The following KHDRBS2 variants were observed in gnomAD, a reference collection of about 807,000 sequenced individuals.
KHDRBS2 encodes KH domain-containing, RNA-binding, signal transduction-associated protein 2.
A neutral mutation model predicts 44.3 loss-of-function variants in KHDRBS2; 26 were observed. The observed-to-expected ratio is 0.59, with a 90% CI of 0.43 to 0.81. KHDRBS2 has a LOEUF of 0.81. Among genes scored for constraint, KHDRBS2 ranks in the 40% least tolerant of loss-of-function variants. The probability of loss-of-function intolerance (pLI) is 0.00; values close to 1 mark genes in which losing one functional copy is unlikely to be tolerated. For synonymous variants in KHDRBS2, 194 were observed against 151.1 expected, an observed-to-expected ratio of 1.28 and a Z score of -2.08; for missense variants, 476 against 433.1, an observed-to-expected ratio of 1.10 and a Z score of -0.88.
At chr6:61,969,487 T>A (rs1401281564) in intron 4 of KHDRBS2, among the ~76,000 whole-genome samples, 2 of 152,092 alleles carry the variant, frequency 1.3e-5, no homozygotes, top group Admixed American at 1.3e-4. Flanking sequence ...TTATCCTAAC[T>A]ATAACTTGTC....
At chr6:62,202,583 G>C (rs1827217240) in intron 1 of KHDRBS2, among the ~76,000 whole-genome samples, 1 of 152,040 alleles carries the variant, frequency 6.6e-6, no homozygotes, top group South Asian at 2.1e-4. Context: ...TCTAGCCTTG[G>C]GTAGTCTACT....
chr6:61,723,959 G>A (rs1180333819), intron 7 of KHDRBS2, among the ~76,000 whole-genome samples: 2 of 152,062 alleles, frequency 1.3e-5, no homozygotes, highest in Non-Finnish European at 2.9e-5. Context: ...AGGAAATGTA[G>A]AGAACCCCAG....
At chr6:61,748,002 CT>C (rs1777106018) in intron 6 of KHDRBS2, among the ~76,000 whole-genome samples, 1 of 152,036 alleles carries the variant, frequency 6.6e-6, no homozygotes, top group Non-Finnish European at 1.5e-5. Flanking sequence ...CCTTAATATT[CT>C]TTTTTGAGAC....
chr6:62,207,422 A>T (rs1435824749), intron 1 of KHDRBS2, among the ~76,000 whole-genome samples: 3 of 152,168 alleles, frequency 2.0e-5, no homozygotes, highest in Non-Finnish European at 4.4e-5. Flanking sequence ...AAGCTTATAA[A>T]CTGTAAAAGA....
intron 6 of KHDRBS2, among the ~76,000 whole-genome samples, chr6:61,742,986 G>A (rs1776359341): frequency 6.6e-6 from 1 of 152,092 alleles, no homozygotes; most frequent in Admixed American, 6.6e-5. Flanking sequence ...AGCTCCCAAG[G>A]AACTATAAGA....
intron 6 of KHDRBS2, among the ~76,000 whole-genome samples, chr6:61,750,760 T>TAAAAAAAAAAAAAAAAAAA (rs61576563): frequency 8.6e-6 from 1 of 116,492 alleles, no homozygotes; most frequent in Admixed American, 8.8e-5. Flanking sequence ...GAGAAAAAAG[T>TAAAAAAAAAAAAAAAAAAA]AAAAAAAAAA....
intron 7 of KHDRBS2, among the ~76,000 whole-genome samples, chr6:61,725,061 A>G (rs1025359557): frequency 6.6e-6 from 1 of 152,186 alleles, no homozygotes; most frequent in Non-Finnish European, 1.5e-5. Flanking sequence ...ATAATCAAGT[A>G]AAACATTCCT....
chr6:61,803,807 T>C (rs1786679394), intron 6 of KHDRBS2, among the ~76,000 whole-genome samples: 1 of 152,050 alleles, frequency 6.6e-6, no homozygotes, highest in African/African-American at 2.4e-5. Flanking sequence ...GAAAATCCCC[T>C]TATAAAACCA....
chr6:61,580,250 T>C, the KHDRBS2 span, among the ~76,000 whole-genome samples: 1 of 152,150 alleles, frequency 6.6e-6, no homozygotes, highest in South Asian at 2.1e-4. Flanking sequence ...GCTTCTGGCA[T>C]GGGTTGGGAC....
chr6:62,072,046 AG>A (rs1204953043), intron 2 of KHDRBS2, among the ~76,000 whole-genome samples: 2 of 152,088 alleles, frequency 1.3e-5, no homozygotes, highest in Non-Finnish European at 2.9e-5. Flanking sequence ...CTCCTTGAAG[AG>A]GTCTTTCACA....
chr6:62,205,646 A>G (rs192376019), intron 1 of KHDRBS2, among the ~76,000 whole-genome samples: 50 of 152,200 alleles, frequency 3.3e-4, no homozygotes, highest in South Asian at 1.5e-3. Context: ...AGAAAAGAAA[A>G]GAGTAGAGAT....
the KHDRBS2 span, among the ~76,000 whole-genome samples, chr6:61,634,903 C>T: frequency 3.3e-5 from 5 of 152,142 alleles, no homozygotes; most frequent in East Asian, 5.8e-4. Context: ...TAACTTGTCT[C>T]ACTTTATTTA....
chr6:61,861,625 AATATAAATCCAGGTAGC>A (rs1195480523), intron 6 of KHDRBS2, among the ~76,000 whole-genome samples: 2 of 150,490 alleles, frequency 1.3e-5, no homozygotes, highest in Non-Finnish European at 3.0e-5. Flanking sequence ...GTAGCCGTGT[AATATAAATCCAGGTAGC>A]ACGATGCCTC....
intron 6 of KHDRBS2, among the ~76,000 whole-genome samples, chr6:61,820,104 G>A (rs1241326728): frequency 6.6e-6 from 1 of 152,080 alleles, no homozygotes; most frequent in Non-Finnish European, 1.5e-5. Context: ...TATGCACAAA[G>A]CCACTTGTCT....
the KHDRBS2 span, among the ~76,000 whole-genome samples, chr6:61,665,090 T>A: frequency 6.6e-6 from 1 of 151,576 alleles, no homozygotes; most frequent in Admixed American, 6.6e-5. Context: ...AAATTTGTGT[T>A]TGGTATGCAT....
chr6:61,989,877 C>T lies in KHDRBS2; in HGVS notation c.337-11665G>A, dbSNP rs529692822. ...TGGATAGCTCCACCTTAGCATAGAA[C>T]AGGGAAGAAATCTGCTTTCCAAGTC... On this transcript the variant is annotated intron_variant, in intron 3 of 8. Coordinates refer to ENST00000281156, the MANE Select transcript of KHDRBS2 (RefSeq NM_152688.4). Among the ~76,000 whole-genome samples, 121 of 152,236 alleles carry T rather than the reference C, an allele frequency of 7.9e-4. 2 individuals are homozygous for T. The highest frequency in any genetic ancestry group is 3.4e-3 in the Middle Eastern group (1 of 294).
At chr6:61,980,575 T>G (rs535927985) in intron 3 of KHDRBS2, among the ~76,000 whole-genome samples, 16 of 152,328 alleles carry the variant, frequency 1.1e-4, no homozygotes, top group Middle Eastern at 3.4e-3. Flanking sequence ...ACTTGTGATC[T>G]GAGGGATCAA....
chr6:62,190,032 C>T (rs940724521), intron 1 of KHDRBS2, among the ~76,000 whole-genome samples: 2 of 151,980 alleles, frequency 1.3e-5, no homozygotes, highest in African/African-American at 4.8e-5. Context: ...GAAGGAAGAT[C>T]GCCAAGGACT....
rs972891265 is a variant in KHDRBS2, at chr6:62,064,218, C to T, written c.220-16224G>A. On this transcript the variant is annotated intron_variant, in intron 2 of 8. Coordinates refer to ENST00000281156, the MANE Select transcript of KHDRBS2 (RefSeq NM_152688.4). ...TGGCCATACTGCCCAAGGTAATTTA[C>T]AGATTCAATGCCATCCCCATCAAGC... is the stretch of plus-strand genomic sequence containing the variant. Among the ~76,000 whole-genome samples the T allele has an allele frequency of 8.0e-5, 11 of 137,274 alleles. No individual in the cohort carries two copies. In the South Asian group the frequency reaches 1.5e-3, roughly 18 times the overall value. The allele number at this position is 137,274 out of a possible 152,430, so 90.1% of individuals were successfully genotyped here.
Sources: allele counts gnomAD v4.1 joint callset (sites outside exome capture counted in the v4.1 genomes callset), GRCh38; gene constraint gnomAD v4.1.1; transcripts MANE v1.5; gene names NCBI Gene and HGNC (gene_info 2026-07-23, HGNC 2026-07-21).